Variants in GPC4 observed in about 807,000 individuals in gnomAD.
GPC4 encodes glypican-4.
In GPC4, 10 loss-of-function variants were observed where a neutral mutation model predicts 35.0. The observed-to-expected ratio is 0.29, with a 90% CI of 0.18 to 0.48. GPC4 has a LOEUF of 0.48. Among genes scored for constraint, GPC4 ranks in the 20% least tolerant of loss-of-function variants. GPC4 has a pLI of 0.99. For synonymous variants in GPC4, 167 were observed against 170.2 expected, an observed-to-expected ratio of 0.98 and a Z score of 0.15; for missense variants, 322 against 451.3, an observed-to-expected ratio of 0.71 and a Z score of 2.60.
chrX:133,389,561 A>G (rs183372932), intron 1 of GPC4, among the ~76,000 whole-genome samples: 32 of 111,691 alleles, frequency 2.9e-4, no homozygotes, highest in Non-Finnish European at 5.3e-4. Context: ...GGCTAAAGGA[A>G]GAACACGTGT....
chrX:133,382,002 C>T (rs2068662526), intron 1 of GPC4, among the ~76,000 whole-genome samples: 1 of 112,056 alleles, frequency 8.9e-6, no homozygotes, highest in African/African-American at 3.2e-5. Context: ...ATATACCTGG[C>T]ATAATCTGAC....
chrX:133,414,214 T>G (rs1446339243), intron 1 of GPC4, among the ~76,000 whole-genome samples: 2 of 110,510 alleles, frequency 1.8e-5, no homozygotes, highest in African/African-American at 3.3e-5. Flanking sequence ...TTGCGGCTAC[T>G]AAAACTCCTA....
chrX:133,306,179 A>G (rs753875110), intron 4 of GPC4, 25 bp from the exon 5 acceptor site: 1 of 1,206,797 alleles, frequency 8.3e-7, no homozygotes, highest in Non-Finnish European at 1.1e-6. Context: ...GGGGAAGAAC[A>G]ATACAGCATA....
chrX:133,402,760 G>A (rs781652539), intron 1 of GPC4, among the ~76,000 whole-genome samples: 1 of 110,287 alleles, frequency 9.1e-6, no homozygotes, highest in East Asian at 2.9e-4. Context: ...AAAATTAGCC[G>A]AGCATGGTGG....
chrX:133,415,198 G>A lies in GPC4; in HGVS notation c.-233C>T, dbSNP rs184911743. ...CAGGCGCCGGGCCAGGGGAGAAGGA[G>A]GGCGTGGAGGCGGCGCGCGGCCCAG... is the stretch of plus-strand genomic sequence containing the variant. On this transcript the variant is annotated 5_prime_UTR_variant, in exon 1 of 9. Transcript: ENST00000370828. 1.1e-4 allele frequency: 43 copies of A among 376,730 alleles called. 1 individual carries two copies. Among genetic ancestry groups the A allele is most frequent in the Middle Eastern group, 1.5e-3 (2 of 1,316 alleles). The allele number at this position is 376,730 out of a possible 1,213,427, so 31.0% of individuals were successfully genotyped here. A position where few individuals can be genotyped will look rare whatever the true frequency, so the allele number is the denominator to read the frequency against.
intron 6 of GPC4, among the ~76,000 whole-genome samples, chrX:133,305,529 T>G (rs2068286815): frequency 8.9e-6 from 1 of 111,895 alleles, no homozygotes; most frequent in African/African-American, 3.3e-5. Context: ...GTTCAATAAA[T>G]GCATGGTGAA....
chrX:133,354,116 T>C (rs2068529059), intron 1 of GPC4, among the ~76,000 whole-genome samples: 2 of 112,146 alleles, frequency 1.8e-5, no homozygotes, highest in South Asian at 7.5e-4. Flanking sequence ...AATATACTTA[T>C]TTTTAGCCCC....
At chrX:133,352,780 T>C (rs1041215632) in intron 1 of GPC4, among the ~76,000 whole-genome samples, 10 of 111,031 alleles carry the variant, frequency 9.0e-5, no homozygotes, top group African/African-American at 3.3e-4. Flanking sequence ...TGTTTTTTTC[T>C]AGGCTCTAAA....
intron 1 of GPC4, among the ~76,000 whole-genome samples, chrX:133,407,413 A>T (rs1388031903): frequency 9.0e-6 from 1 of 110,999 alleles, no homozygotes; most frequent in East Asian, 2.8e-4. Context: ...AACTATCCCC[A>T]CCTATCTCAA....
chrX:133,302,661 A>T lies in GPC4; in HGVS notation c.*206T>A. ...AGCCACGTTTAACATGGTTTGGGGG[A>T]GCAGGAACCAACTCAATGCACAGTC... On this transcript the variant is annotated 3_prime_UTR_variant, in exon 9 of 9. Coordinates refer to ENST00000370828, the MANE Select transcript of GPC4 (RefSeq NM_001448.3). 4 of 428,536 alleles carry T rather than the reference A, an allele frequency of 9.3e-6. No homozygotes were observed. Among genetic ancestry groups the T allele is most frequent in the Non-Finnish European group, 1.6e-5 (4 of 247,183 alleles). The allele number at this position is 428,536 out of a possible 1,213,427, so 35.3% of individuals were successfully genotyped here.
At chrX:133,324,800 A>T (rs5977854) in intron 2 of GPC4, among the ~76,000 whole-genome samples, 2 of 111,341 alleles carry the variant, frequency 1.8e-5, no homozygotes, top group African/African-American at 3.3e-5. Flanking sequence ...GCTTCTCAGG[A>T]GTCAGTACAA....
intron 1 of GPC4, among the ~76,000 whole-genome samples, chrX:133,358,362 C>A (rs1477569960): frequency 2.7e-5 from 3 of 111,771 alleles, no homozygotes; most frequent in Admixed American, 1.9e-4. Flanking sequence ...GAATAAAATT[C>A]AAAAGATTAA....
intron 4 of GPC4, 116 bp from the exon 5 acceptor site, chrX:133,306,270 G>T: frequency 1.3e-6 from 1 of 775,177 alleles, no homozygotes. Context: ...GGCAGGGGAA[G>T]TAAGGCATGG....
At position 133,350,095 on chromosome X, in the gene GPC4, G is replaced by C. The variant is rs372388313; in HGVS notation, c.161-10754C>G. Among the ~76,000 whole-genome samples the C allele has an allele frequency of 1.9e-4, 21 of 111,534 alleles. 1 individual carries two copies. The highest frequency in any genetic ancestry group is 5.5e-4 in the African/African-American group (17 of 30,690). On this transcript the variant is annotated intron_variant, in intron 1 of 8. Transcript: ENST00000370828. ...GTAAGAGGTTTTCAGTAAATTTACT[G>C]TCTAGAAAAAATATACCAGAAGAAT...
At chrX:133,335,035 C>T (rs1028946744) in intron 2 of GPC4, among the ~76,000 whole-genome samples, 1 of 111,629 alleles carries the variant, frequency 9.0e-6, no homozygotes, top group African/African-American at 3.3e-5. Context: ...CATTTGGGGG[C>T]GGGTCTTTAT....
chrX:133,361,764 G>A (rs1233724758), intron 1 of GPC4, among the ~76,000 whole-genome samples: 1 of 111,705 alleles, frequency 9.0e-6, no homozygotes, highest in African/African-American at 3.3e-5. Flanking sequence ...ACACAAAACT[G>A]CATAAATTGT....
intron 1 of GPC4, among the ~76,000 whole-genome samples, chrX:133,363,369 T>C (rs896704427): frequency 1.8e-5 from 2 of 110,746 alleles, no homozygotes; most frequent in African/African-American, 6.6e-5. Context: ...TACAGCTCTT[T>C]TTTCTCTTGT....
chrX:133,382,430 A>C (rs1449754519), intron 1 of GPC4, among the ~76,000 whole-genome samples: 1 of 98,674 alleles, frequency 1.0e-5, no homozygotes, highest in Non-Finnish European at 2.0e-5. Flanking sequence ...GTCTCAAAAA[A>C]AAAAAAAAAA....
intron 6 of GPC4, 24 bp downstream of exon 6, chrX:133,305,748 G>A (rs745923292): frequency 2.3e-5 from 28 of 1,204,973 alleles, no homozygotes; most frequent in Non-Finnish European, 3.0e-5. Flanking sequence ...CATTAAACAC[G>A]GCCCTTCCTG....
Sources: allele counts gnomAD v4.1 joint callset (sites outside exome capture counted in the v4.1 genomes callset), GRCh38; gene constraint gnomAD v4.1.1; transcripts MANE v1.5; gene names NCBI Gene and HGNC (gene_info 2026-07-23, HGNC 2026-07-21).